The following PLA2G1B variants were observed in gnomAD, a reference collection of about 807,000 sequenced individuals.
PLA2G1B encodes phospholipase A2.
A neutral mutation model predicts 12.5 loss-of-function variants in PLA2G1B; 12 were observed. The observed-to-expected ratio is 0.96, with a 90% CI of 0.62 to 1.56. PLA2G1B has a LOEUF of 1.56. Among genes scored for constraint, PLA2G1B ranks in the 40% most tolerant of loss-of-function variants. The probability of loss-of-function intolerance (pLI) is 0.00; values close to 1 mark genes in which losing one functional copy is unlikely to be tolerated. For synonymous variants in PLA2G1B, 81 were observed against 73.4 expected (o/e 1.10, Z -0.53); for missense variants, 189 against 186.7 (o/e 1.01, Z -0.07).
In PLA2G1B at chr12:120,324,983, G is replaced by A. The variant is rs764040826; in HGVS notation, c.273C>T (p.Tyr91=). Residue 91 remains tyrosine (Y), a synonymous_variant, in exon 3 of 4, where the codon TAC becomes TAT. Transcript: ENST00000308366. ...DSCKFLLDNP[Y]THTYSYSCSG... is the part of the protein sequence containing the mutation. ...AGCACGAGTATGAATAGGTGTGGGT[G>A]TACGGGTTGTCCAGCAGAAATTTAC... 6 of 1,613,974 alleles carry A rather than the reference G, an allele frequency of 3.7e-6. No individual in the cohort carries two copies. Among genetic ancestry groups the A allele is most frequent in the East Asian group, 4.5e-5 (2 of 44,898 alleles).
intron 1 of PLA2G1B, 155 bp from the exon 2 acceptor site, chr12:120,326,175 G>T: frequency 3.9e-6 from 2 of 511,536 alleles, no homozygotes; most frequent in Non-Finnish European, 6.4e-6. Context: ...AAGTGAAAGT[G>T]GGTAGAGGTT....
At chr12:120,325,719 ATTTG>A (rs762630709) in intron 2 of PLA2G1B, 138 bp downstream of exon 2, 355 of 790,714 alleles carry the variant, frequency 4.5e-4, no homozygotes, top group Admixed American at 1.4e-3. Flanking sequence ...CTTGGAACAT[ATTTG>A]TTTATTTGAC....
chr12:120,322,392 C>G, intron 3 of PLA2G1B, 75 bp from the exon 4 acceptor site: 4 of 1,383,306 alleles, frequency 2.9e-6, no homozygotes, highest in Non-Finnish European at 4.0e-6. Flanking sequence ...GAAGAATTAA[C>G]TGGAATAAGC....
chr12:120,325,870 T>A lies in PLA2G1B; in HGVS notation c.185A>T (p.Glu62Val). ...CAGGCGGATCACTTACTTGTCCAGT[T>A]CATCCACGGGGGTGCCTGAGCCCCC... The part of the protein sequence containing the change: ...GLGGSGTPVD[E>V]LDKCCQTHDN... Residue 62 changes from glutamate to valine, a missense_variant, in exon 2 of 4, where the codon GAA becomes GTA. By Grantham distance (121) the Glu-to-Val change is moderately radical. Coordinates refer to ENST00000308366, the MANE Select transcript of PLA2G1B (RefSeq NM_000928.3). The A allele has an allele frequency of 6.2e-7, 1 of 1,613,930 alleles. No individual in the cohort carries two copies. Among genetic ancestry groups the A allele is most frequent in the Non-Finnish European group, 8.5e-7 (1 of 1,179,886 alleles).
intron 3 of PLA2G1B, among the ~76,000 whole-genome samples, chr12:120,324,659 C>A (rs1332120849): frequency 6.6e-6 from 1 of 152,040 alleles, no homozygotes; most frequent in Non-Finnish European, 1.5e-5. Context: ...CAGAGCAAGA[C>A]CCTGTCTCTA....
intron 1 of PLA2G1B, 50 bp from the exon 2 acceptor site, chr12:120,326,070 G>A (rs570269431): frequency 6.3e-7 from 1 of 1,595,318 alleles, no homozygotes; most frequent in East Asian, 2.2e-5. Context: ...GCACCCCGGG[G>A]ACACACTGCC....
chr12:120,322,385 G>C, intron 3 of PLA2G1B, 68 bp from the exon 4 acceptor site: 1 of 1,434,982 alleles, frequency 7.0e-7, no homozygotes, highest in Non-Finnish European at 9.6e-7. Flanking sequence ...GGGGCAAGAA[G>C]AATTAACTGG....
At position 120,322,157 on chromosome 12, in the gene PLA2G1B, G is replaced by A. The variant is rs183612258; in HGVS notation, c.*36C>T. ...TTTATTGGAGAGTACAGTGTGAGAT[G>A]AGGCAGATAGAGGTGATGCTTTTGA... On this transcript the variant is annotated 3_prime_UTR_variant, in exon 4 of 4. Transcript: ENST00000308366. 8.7e-6 allele frequency: 14 copies of A among 1,608,134 alleles called. No individual in the cohort carries two copies. The East Asian group carries it at 3.1e-4, about 36-fold the overall frequency.
In PLA2G1B at chr12:120,326,787, G is replaced by A. The variant is rs142896347; in HGVS notation, c.35-767C>T. On this transcript the variant is annotated intron_variant, in intron 1 of 3. Coordinates refer to ENST00000308366, the MANE Select transcript of PLA2G1B (RefSeq NM_000928.3). ...AGATCGAGACCATCCTGGCTAACAC[G>A]ATGAAACCCCGTCTTTATTAAAAAT... Among the ~76,000 whole-genome samples, 123 of 151,808 alleles carry A rather than the reference G, an allele frequency of 8.1e-4. 1 individual carries two copies. The East Asian group carries it at 0.021, about 25-fold the overall frequency.
intron 3 of PLA2G1B, among the ~76,000 whole-genome samples, chr12:120,323,883 T>C (rs965924239): frequency 1.3e-5 from 2 of 152,200 alleles, no homozygotes; most frequent in East Asian, 3.8e-4. Flanking sequence ...GTATTTATTC[T>C]GCAAAGTTGT....
intron 2 of PLA2G1B, among the ~76,000 whole-genome samples, chr12:120,325,419 C>G (rs1477041556): frequency 6.6e-6 from 1 of 152,016 alleles, no homozygotes; most frequent in Non-Finnish European, 1.5e-5. Context: ...AGGCTGGTCT[C>G]GAACTCCTGA....
Position 120,327,760 on chromosome 12 carries a change from G to A in PLA2G1B, c.-7C>T. On this transcript the variant is annotated 5_prime_UTR_variant, in exon 1 of 4. Coordinates refer to ENST00000308366, the MANE Select transcript of PLA2G1B (RefSeq NM_000928.3). ...CTAGCACAAGGAGTTTCATCTTGCA[G>A]TCAAGGTGAGAAAAGAACTGAGATG... 5 of 1,613,174 alleles carry A rather than the reference G, an allele frequency of 3.1e-6. No individual in the cohort carries two copies. Among genetic ancestry groups the A allele is most frequent in the Non-Finnish European group, 4.2e-6 (5 of 1,179,140 alleles).
At chr12:120,323,633 A>T (rs934736824) in intron 3 of PLA2G1B, among the ~76,000 whole-genome samples, 1 of 134,154 alleles carries the variant, frequency 7.5e-6, no homozygotes, top group East Asian at 2.4e-4. Context: ...TGCAAACATT[A>T]AAAAAAAACT....
intron 3 of PLA2G1B, among the ~76,000 whole-genome samples, chr12:120,323,022 A>C (rs1238638088): frequency 6.6e-6 from 1 of 152,344 alleles, no homozygotes; most frequent in Non-Finnish European, 1.5e-5. Flanking sequence ...TGTATGCCCC[A>C]AAAATCTGGA....
chr12:120,326,387 G>A (rs1592909250), intron 1 of PLA2G1B, among the ~76,000 whole-genome samples: 2 of 141,718 alleles, frequency 1.4e-5, no homozygotes, highest in South Asian at 4.4e-4. Context: ...CTGTTGCCCA[G>A]GTTGGAGTGC....
intron 3 of PLA2G1B, among the ~76,000 whole-genome samples, 156 bp from the exon 4 acceptor site, chr12:120,322,473 G>T (rs1873255812): frequency 6.6e-6 from 1 of 152,188 alleles, no homozygotes; most frequent in Admixed American, 6.6e-5. Flanking sequence ...AGGATGCCCA[G>T]TTAAATTTGA....
intron 2 of PLA2G1B, among the ~76,000 whole-genome samples, chr12:120,325,442 C>T (rs900119516): frequency 1.3e-5 from 2 of 152,066 alleles, no homozygotes; most frequent in East Asian, 1.9e-4. Flanking sequence ...TCAAGTGATC[C>T]GCCCGCCTCG....
rs768333032 is a variant in PLA2G1B, at chr12:120,326,013, G to A, written c.42C>T (p.Ala14=). 3.7e-6 allele frequency: 6 copies of A among 1,613,716 alleles called. No individual in the cohort carries two copies. In the Admixed American group the frequency reaches 5.0e-5, roughly 13 times the overall value. The change falls in exon 2 of 4, where the codon GCC becomes GCT. Residue 14 remains alanine, a synonymous_variant. Coordinates refer to ENST00000308366, the MANE Select transcript of PLA2G1B (RefSeq NM_000928.3). Reference sequence around the variant, plus strand: ...CCCGAGGGCTGATGCCGCTGTCGGCGGCGGCCACTGCAAGAAGACATAGCC... The same window carrying A: ...CCCGAGGGCTGATGCCGCTGTCGGCAGCGGCCACTGCAAGAAGACATAGCC... ...LVLAVLLTVA[A]ADSGISPRAV...
chr12:120,327,153 G>GCCAGCTACTTGAGAGCTACAAGTC (rs1873367889), intron 1 of PLA2G1B, among the ~76,000 whole-genome samples: 1 of 151,836 alleles, frequency 6.6e-6, no homozygotes, highest in Admixed American at 6.6e-5. Flanking sequence ...GGTGGTGTGT[G>GCCAGCTACTTGAGAGCTACAAGTC]CCAGCTACTT....
Sources: gnomAD v4.1 joint callset for allele counts (sites outside exome capture counted in the v4.1 genomes callset) on GRCh38, gnomAD v4.1.1 for gene constraint, MANE v1.5 for transcripts, NCBI Gene and HGNC (gene_info 2026-07-23, HGNC 2026-07-21) for gene names.